The following RNF13 variants were observed in gnomAD, a reference collection of about 807,000 sequenced individuals.
RNF13 encodes ring finger protein 13.
RNF13 carries 19 observed loss-of-function variants against 37.7 expected under a neutral mutation model. The ratio of observed to expected loss-of-function variants is 0.50; its 90% CI spans 0.35 to 0.74. The LOEUF (loss-of-function observed/expected upper bound fraction) is 0.74, where lower values mean the gene tolerates loss of function less well. Among genes scored for constraint, RNF13 ranks in the 30% least tolerant of loss-of-function variants. The pLI is 0.01. For synonymous variants in RNF13, 144 were observed against 157.8 expected, an observed-to-expected ratio of 0.91 and a Z score of 0.65; for missense variants, 375 against 453.0, an observed-to-expected ratio of 0.83 and a Z score of 1.56.
chr3:149,904,083 G>A (rs1182549636), intron 6 of RNF13, among the ~76,000 whole-genome samples: 1 of 151,810 alleles, frequency 6.6e-6, no homozygotes, highest in Non-Finnish European at 1.5e-5. Context: ...TCTTTCAGTG[G>A]GCAGAACTAG....
intron 6 of RNF13, among the ~76,000 whole-genome samples, chr3:149,905,402 C>T (rs1308466046): frequency 2.0e-5 from 3 of 151,642 alleles, no homozygotes; most frequent in African/African-American, 7.3e-5. Flanking sequence ...GAGCTGTTTA[C>T]CTCTAGGCCA....
At chr3:149,936,439 C>G (rs1182454199) in intron 8 of RNF13, among the ~76,000 whole-genome samples, 1 of 152,056 alleles carries the variant, frequency 6.6e-6, no homozygotes, top group Non-Finnish European at 1.5e-5. Flanking sequence ...TATGTCTCCT[C>G]TCTTTATATA....
At chr3:149,849,771 A>G (rs900685090) in intron 2 of RNF13, among the ~76,000 whole-genome samples, 3 of 152,200 alleles carry the variant, frequency 2.0e-5, no homozygotes, top group Non-Finnish European at 4.4e-5. Flanking sequence ...TATTACCTGT[A>G]AAGTGCTTAG....
At chr3:149,885,976 C>G (rs1055931974) in intron 4 of RNF13, among the ~76,000 whole-genome samples, 2 of 152,154 alleles carry the variant, frequency 1.3e-5, no homozygotes, top group Non-Finnish European at 2.9e-5. Flanking sequence ...CAGCGCCATT[C>G]ATTGAAGAGA....
intron 4 of RNF13, among the ~76,000 whole-genome samples, chr3:149,894,539 T>C (rs1212983147): frequency 6.6e-6 from 1 of 152,140 alleles, no homozygotes; most frequent in African/African-American, 2.4e-5. Flanking sequence ...AAAAAATTAA[T>C]ATGCCTGTTT....
intron 1 of RNF13, among the ~76,000 whole-genome samples, chr3:149,835,977 A>G (rs1168123788): frequency 2.0e-5 from 3 of 152,048 alleles, no homozygotes; most frequent in Non-Finnish European, 4.4e-5. Flanking sequence ...ATTGTTTTCC[A>G]TAGTGGTTGT....
At chr3:149,867,258 C>A (rs1423752699) in intron 3 of RNF13, among the ~76,000 whole-genome samples, 1 of 151,602 alleles carries the variant, frequency 6.6e-6, no homozygotes, top group African/African-American at 2.4e-5. Flanking sequence ...AGTGACCTTC[C>A]TTGTCTCTTT....
intron 6 of RNF13, among the ~76,000 whole-genome samples, chr3:149,907,214 C>A (rs766493988): frequency 6.6e-6 from 1 of 152,136 alleles, no homozygotes; most frequent in East Asian, 1.9e-4. Flanking sequence ...TTTATCTTTT[C>A]CTTTCCAATT....
At chr3:149,905,020 C>T (rs765800287) in intron 6 of RNF13, among the ~76,000 whole-genome samples, 10 of 152,076 alleles carry the variant, frequency 6.6e-5, no homozygotes, top group Admixed American at 1.3e-4. Context: ...GCATTTGAAT[C>T]GGTTACGTTA....
At chr3:149,883,344 T>A (rs966967992) in intron 4 of RNF13, among the ~76,000 whole-genome samples, 1 of 152,132 alleles carries the variant, frequency 6.6e-6, no homozygotes, top group Non-Finnish European at 1.5e-5. Context: ...ACAATGTCTA[T>A]AATCTTTTAA....
chr3:149,862,445 T>C (rs977520190), intron 3 of RNF13, among the ~76,000 whole-genome samples: 2 of 152,098 alleles, frequency 1.3e-5, no homozygotes, highest in African/African-American at 4.8e-5. Context: ...TCCTGAAACT[T>C]ATGTGTATCT....
At chr3:149,919,494 CAT>C (rs1717903140) in intron 7 of RNF13, among the ~76,000 whole-genome samples, 9 of 152,150 alleles carry the variant, frequency 5.9e-5, no homozygotes, top group Admixed American at 5.9e-4. Flanking sequence ...TAAATGGAAT[CAT>C]AAAGTCTGTA....
At chr3:149,923,006 G>A (rs1388445792) in intron 8 of RNF13, among the ~76,000 whole-genome samples, 1 of 151,814 alleles carries the variant, frequency 6.6e-6, no homozygotes, top group Admixed American at 6.6e-5. Flanking sequence ...GGAGAAAATA[G>A]AGAAAAAGGC....
chr3:149,841,784 C>T lies in RNF13; in HGVS notation c.-16-4227C>T, dbSNP rs758282675. 2.2e-4 allele frequency among the ~76,000 whole-genome samples: 34 copies of T among 152,062 alleles called. No homozygotes were observed. The Middle Eastern group carries it at 0.024, about 106-fold the overall frequency. On this transcript the variant is annotated intron_variant, in intron 1 of 9. Coordinates refer to ENST00000392894, the MANE Select transcript of RNF13 (RefSeq NM_183381.3). ...GCAGCTACTCAGCTACAGAAATTAC[C>T]GTGCCTGGCTAATTTTTGTATTTTT...
intron 8 of RNF13, among the ~76,000 whole-genome samples, chr3:149,954,721 A>G (rs2108610022): frequency 6.6e-6 from 1 of 152,308 alleles, no homozygotes; most frequent in East Asian, 1.9e-4. Context: ...ATGCTGATTA[A>G]TAGTTAAATG....
chr3:149,889,902 C>G (rs1165453464), intron 4 of RNF13, among the ~76,000 whole-genome samples: 2 of 152,064 alleles, frequency 1.3e-5, no homozygotes, highest in East Asian at 3.9e-4. Flanking sequence ...TGGTCGAACT[C>G]CTGACCTCGT....
chr3:149,945,277 T>G (rs1720656261), intron 8 of RNF13, among the ~76,000 whole-genome samples: 1 of 152,186 alleles, frequency 6.6e-6, no homozygotes, highest in South Asian at 2.1e-4. Context: ...GGCTTAGGAT[T>G]GTCTGGCAGT....
chr3:149,952,366 A>G (rs1177650153), intron 8 of RNF13, among the ~76,000 whole-genome samples: 1 of 152,090 alleles, frequency 6.6e-6, no homozygotes, highest in Non-Finnish European at 1.5e-5. Context: ...TCTAGAAGCA[A>G]TTGGGCTTTA....
At chr3:149,900,996 G>A (rs1715772106) in intron 5 of RNF13, among the ~76,000 whole-genome samples, 1 of 152,194 alleles carries the variant, frequency 6.6e-6, no homozygotes, top group African/African-American at 2.4e-5. Context: ...CAGCAAAATA[G>A]ATCAGTAATT....
Sources: allele counts gnomAD v4.1 joint callset (sites outside exome capture counted in the v4.1 genomes callset), GRCh38; gene constraint gnomAD v4.1.1; transcripts MANE v1.5; gene names NCBI Gene and HGNC (gene_info 2026-07-23, HGNC 2026-07-21).